The following FFAR1 variants were observed in gnomAD, a reference collection of about 807,000 sequenced individuals.
The protein encoded by FFAR1 is G-protein coupled receptor 40.
For synonymous variants in FFAR1, 216 were observed against 201.5 expected, an observed-to-expected ratio of 1.07 and a Z score of -0.61; for missense variants, 424 against 396.2, an observed-to-expected ratio of 1.07 and a Z score of -0.60.
chr19:35,352,204 G>A lies in FFAR1; in HGVS notation c.653G>A (p.Arg218Gln), dbSNP rs574019963. The A allele has an allele frequency of 1.1e-5, 18 of 1,592,184 alleles. No individual in the cohort carries two copies. The South Asian group carries it at 1.7e-4, about 15-fold the overall frequency. Residue 218 changes from arginine (R) to glutamine (Q), a missense_variant, in exon 1 of 1, where the codon CGG becomes CAG. By Grantham distance (43) the Arg-to-Gln change is conservative. Transcript: ENST00000246553. ...GCCCGCTCCGGCCTGACGCACAGGC[G>A]GAAGCTGCGGGCCGCCTGGGTGGCC...
At chr19:35,352,359 G>A in exon 1 of FFAR1, 2 of 1,552,708 alleles carry the variant, frequency 1.3e-6, no homozygotes, top group South Asian at 1.2e-5. Flanking sequence ...CTGGAGTGTG[G>A]TGCTTAATCC....
upstream of FFAR1, among the ~76,000 whole-genome samples, chr19:35,349,135 A>G (rs1568494860): frequency 6.6e-6 from 1 of 152,138 alleles, no homozygotes; most frequent in African/African-American, 2.4e-5. Context: ...TAGGTTCCCA[A>G]ACACCTGCTG....
upstream of FFAR1, among the ~76,000 whole-genome samples, chr19:35,347,920 G>A (rs950484700): frequency 9.9e-5 from 15 of 152,008 alleles, no homozygotes; most frequent in African/African-American, 3.4e-4. Flanking sequence ...TCTGTCATTC[G>A]AGGTCCTCTG....
chr19:35,352,442 G>C, exon 1 of FFAR1: 2 of 1,552,822 alleles, frequency 1.3e-6, no homozygotes, highest in Non-Finnish European at 1.7e-6. Flanking sequence ...AAGGGGGCAA[G>C]TCCCAGAAGT....
chr19:35,347,935 C>T (rs896462849), upstream of FFAR1, among the ~76,000 whole-genome samples: 1 of 148,490 alleles, frequency 6.7e-6, no homozygotes, highest in Non-Finnish European at 1.5e-5. Context: ...CCTCTGCACC[C>T]GTTCTCTAAT....
exon 1 of FFAR1, chr19:35,352,425 A>G (rs1351525489): frequency 2.6e-6 from 4 of 1,554,768 alleles, no homozygotes; most frequent in African/African-American, 2.7e-5. Flanking sequence ...GTGTGCGGCA[A>G]GAACGCAAGG....
At chr19:35,352,448 G>C in exon 1 of FFAR1, 1 of 1,552,098 alleles carries the variant, frequency 6.4e-7, no homozygotes, top group South Asian at 1.2e-5. Flanking sequence ...GCAAGTCCCA[G>C]AAGTAACGCC....
At chr19:35,351,683 CGCCCTGAACCTG>C in exon 1 of FFAR1, 1 of 1,561,040 alleles carries the variant, frequency 6.4e-7, no homozygotes, top group Non-Finnish European at 8.7e-7. Flanking sequence ...GCCTGGTCTA[CGCCCTGAACCTG>C]GGCTGCTCCG....
chr19:35,353,274 A>G (rs1363120634), exon 1 of FFAR1: 1 of 152,244 alleles, frequency 6.6e-6, no homozygotes, highest in Non-Finnish European at 1.5e-5. Context: ...CGAAGCCAGG[A>G]GTTCAAGAGC....
At chr19:35,351,903 CGGA>C (rs1415278257) in exon 1 of FFAR1, 1 of 1,614,050 alleles carries the variant, frequency 6.2e-7, no homozygotes, top group South Asian at 1.1e-5. Context: ...CCAAGCCTTC[CGGA>C]GGCCGTGCTA....
chr19:35,351,019 T>C (rs1286575439), upstream of FFAR1, among the ~76,000 whole-genome samples: 1 of 151,780 alleles, frequency 6.6e-6, no homozygotes. Context: ...CCTCACCTTA[T>C]CCACACCCTT....
exon 1 of FFAR1, chr19:35,351,977 T>G: frequency 6.2e-7 from 1 of 1,614,146 alleles, no homozygotes; most frequent in Non-Finnish European, 8.5e-7. Flanking sequence ...GTCTGGTCTT[T>G]GGGTTGGAGG....
chr19:35,350,318 C>T (rs1256139856), upstream of FFAR1, among the ~76,000 whole-genome samples: 4 of 152,234 alleles, frequency 2.6e-5, no homozygotes, highest in Non-Finnish European at 5.9e-5. Flanking sequence ...ACAGCCTGTG[C>T]AGAACCGCAC....
At chr19:35,351,981 T>G in exon 1 of FFAR1, 1 of 1,614,096 alleles carries the variant, frequency 6.2e-7, no homozygotes, top group Middle Eastern at 1.6e-4. Flanking sequence ...GGTCTTTGGG[T>G]TGGAGGCTCC....
At chr19:35,351,992 A>G (rs781081236) in exon 1 of FFAR1, 6 of 1,614,100 alleles carry the variant, frequency 3.7e-6, no homozygotes, top group Non-Finnish European at 5.1e-6. Flanking sequence ...TGGAGGCTCC[A>G]GGAGGCTGGC....
At chr19:35,351,733 T>C (rs1401475916) in exon 1 of FFAR1, 2 of 1,563,736 alleles carry the variant, frequency 1.3e-6, no homozygotes, top group Non-Finnish European at 8.6e-7. Context: ...TCTCTGCCCC[T>C]GAAGGCGGTG....
chr19:35,351,701 C>T (rs745577342), exon 1 of FFAR1: 2 of 1,563,916 alleles, frequency 1.3e-6, no homozygotes, highest in Non-Finnish European at 1.7e-6. Context: ...ACCTGGGCTG[C>T]TCCGACCTGC....
chr19:35,352,430 G>A (rs975749544), exon 1 of FFAR1: 2 of 1,554,250 alleles, frequency 1.3e-6, no homozygotes, highest in South Asian at 1.2e-5. Context: ...CGGCAAGAAC[G>A]CAAGGGGGCA....
chr19:35,352,133 C>T (rs756039167), exon 1 of FFAR1: 2 of 1,611,492 alleles, frequency 1.2e-6, no homozygotes, highest in Non-Finnish European at 1.7e-6. Context: ...TTTTTCTGCC[C>T]TTGGCCATCA....
Sources: allele counts gnomAD v4.1 joint callset (sites outside exome capture counted in the v4.1 genomes callset), GRCh38; gene constraint gnomAD v4.1.1; transcripts MANE v1.5; gene names NCBI Gene and HGNC (gene_info 2026-07-23, HGNC 2026-07-21).